GEMIN5: variants seen among roughly 807,000 people sequenced by gnomAD.
GEMIN5 encodes gem nuclear organelle associated protein 5.
In GEMIN5, 124 loss-of-function variants were observed where a neutral mutation model predicts 176.9. That is an observed-to-expected ratio of 0.70 (90% CI 0.61 to 0.81). GEMIN5 has a LOEUF of 0.81. GEMIN5 is among the 40% of genes least tolerant of loss of function. GEMIN5 has a pLI of 0.00. For synonymous variants in GEMIN5, 673 were observed against 665.2 expected (o/e 1.01, Z -0.18); for missense variants, 1,843 against 1,814.6 (o/e 1.02, Z -0.28).
At chr5:154,889,486 T>A (rs1319558505) in intron 26 of GEMIN5, 69 bp from the exon 27 acceptor site, 1 of 812,610 alleles carries the variant, frequency 1.2e-6, no homozygotes, top group African/African-American at 1.7e-5. Flanking sequence ...CCATTGTTAT[T>A]TTACTGTGGT....
chr5:154,905,683 G>A (rs1211290739), intron 16 of GEMIN5, among the ~76,000 whole-genome samples: 1 of 151,010 alleles, frequency 6.6e-6, no homozygotes, highest in Non-Finnish European at 1.5e-5. Context: ...TCAGGAATCT[G>A]TAAGTCTATT....
chr5:154,898,365 T>C (rs1036960702), intron 23 of GEMIN5, 75 bp downstream of exon 23: 2 of 1,329,406 alleles, frequency 1.5e-6, no homozygotes, highest in East Asian at 2.3e-5. Context: ...AACTGGGTTA[T>C]TAACTTGGAT....
At chr5:154,902,801 T>C in intron 19 of GEMIN5, 125 bp from the exon 20 acceptor site, 1 of 952,448 alleles carries the variant, frequency 1.0e-6, no homozygotes, top group Non-Finnish European at 1.6e-6. Context: ...CTCTGATGGG[T>C]GTCACCTACC....
chr5:154,923,160 T>C (rs895018972), intron 9 of GEMIN5, among the ~76,000 whole-genome samples: 4 of 152,032 alleles, frequency 2.6e-5, no homozygotes, highest in African/African-American at 9.7e-5. Flanking sequence ...GTGGATCACC[T>C]GAGGTTAGGA....
intron 23 of GEMIN5, among the ~76,000 whole-genome samples, chr5:154,897,890 GCTGA>G (rs1182229650): frequency 7.3e-5 from 11 of 150,410 alleles, no homozygotes; most frequent in South Asian, 2.1e-4. Flanking sequence ...CAAGGCCTGG[GCTGA>G]CTAAGGTGTT....
chr5:154,932,033 T>G, intron 4 of GEMIN5, 66 bp downstream of exon 4: 1 of 1,132,698 alleles, frequency 8.8e-7, no homozygotes. Flanking sequence ...TAAAAAATGA[T>G]ATAATTGTAC....
chr5:154,911,681 A>G, intron 15 of GEMIN5, 46 bp downstream of exon 15: 2 of 1,508,806 alleles, frequency 1.3e-6, no homozygotes, highest in Non-Finnish European at 1.8e-6. Flanking sequence ...CTCAATTATT[A>G]AGAAAGGGAG....
chr5:154,893,204 T>A (rs1015130818), intron 24 of GEMIN5, among the ~76,000 whole-genome samples: 5 of 135,534 alleles, frequency 3.7e-5, no homozygotes, highest in Non-Finnish European at 7.7e-5. Flanking sequence ...TATAACCCCA[T>A]CACTTTGGGA....
intron 9 of GEMIN5, among the ~76,000 whole-genome samples, chr5:154,922,863 A>T (rs1763953580): frequency 6.6e-6 from 1 of 151,324 alleles, no homozygotes; most frequent in Admixed American, 6.6e-5. Flanking sequence ...CATCCAGCTA[A>T]TTTTTTGTAT....
Position 154,927,544 on chromosome 5 carries a change from T to C in GEMIN5, c.921A>G (p.Glu307=), listed in dbSNP as rs1347854245. ...TQLVSSCFGG[E]LLQWDLTQSW... ...ATTGAGTGAGATCCCATTGCAACAGTTCACCTCTGTGAAGGAAAAACATAA... is the reference window on the plus strand; with the variant it reads ...ATTGAGTGAGATCCCATTGCAACAGCTCACCTCTGTGAAGGAAAAACATAA... The change falls in exon 7 of 28, where the codon GAA becomes GAG. Residue 307 remains glutamate (E), a synonymous_variant. Coordinates refer to ENST00000285873, the MANE Select transcript of GEMIN5 (RefSeq NM_015465.5). 6.3e-7 allele frequency: 1 copy of C among 1,592,756 alleles called. No individual in the cohort carries two copies. Among genetic ancestry groups the C allele is most frequent in the Non-Finnish European group, 8.6e-7 (1 of 1,163,402 alleles).
intron 13 of GEMIN5, among the ~76,000 whole-genome samples, chr5:154,916,688 A>T (rs112996026): frequency 4.7e-4 from 71 of 152,136 alleles, no homozygotes; most frequent in African/African-American, 1.6e-3. Flanking sequence ...GTAGAGACGG[A>T]GCCTCACTAT....
intron 5 of GEMIN5, among the ~76,000 whole-genome samples, chr5:154,929,271 A>G (rs1453708231): frequency 6.6e-6 from 1 of 152,216 alleles, no homozygotes; most frequent in Non-Finnish European, 1.5e-5. Context: ...TTCCCAAGTA[A>G]AACTGAGAAC....
rs1042955614 is a variant in GEMIN5, at chr5:154,898,779, G to GC, written c.3135-130dup. 4.7e-5 allele frequency: 35 copies of GC among 750,682 alleles called. 1 individual carries two copies. The highest frequency in any genetic ancestry group is 7.6e-5 in the Non-Finnish European group (34 of 449,388). 46.5% of individuals were successfully genotyped at this position (750,682 alleles called of 1,614,324 possible). A position where few individuals can be genotyped will look rare whatever the true frequency, so the allele number is the denominator to read the frequency against. ...TTCCTGTGGTCCCAGGTATGTCACTGCCCCGGTTGTTCCTGTGAAGGCTGA... is the reference window on the plus strand; with the variant it reads ...TTCCTGTGGTCCCAGGTATGTCACTGCCCCCGGTTGTTCCTGTGAAGGCTGA... On this transcript the variant is annotated intron_variant, in intron 22 of 27. Transcript: ENST00000285873.
Position 154,902,631 on chromosome 5 carries a change from A to T in GEMIN5, c.2774T>A (p.Leu925His), listed in dbSNP as rs2113468876. 2 of 1,614,048 alleles carry T rather than the reference A, an allele frequency of 1.2e-6. No individual in the cohort carries two copies. The highest frequency in any genetic ancestry group is 4.5e-5 in the East Asian group (2 of 44,884). The change falls in exon 20 of 28, where the codon CTT becomes CAT. Residue 925 changes from leucine to histidine, a missense_variant. By Grantham distance (99) the Leu-to-His change is moderately conservative (BLOSUM62 -3). Coordinates refer to ENST00000285873, the MANE Select transcript of GEMIN5 (RefSeq NM_015465.5). ...TTTGAGATCTCCTTTCCAAAGCATA[A>T]GCTGGTGAAATAACTCAGGGTGGCC... ...ENGHPELFHQ[L>H]MLWKGDLKGV...
chr5:154,924,098 T>G (rs951072087), intron 9 of GEMIN5, among the ~76,000 whole-genome samples: 1 of 152,254 alleles, frequency 6.6e-6, no homozygotes, highest in African/African-American at 2.4e-5. Context: ...GATTTTTAAT[T>G]TTCTTTAAAT....
Position 154,928,596 on chromosome 5 carries a change from T to C in GEMIN5, c.845A>G (p.Lys282Arg). 2 of 1,613,822 alleles carry C rather than the reference T, an allele frequency of 1.2e-6. No individual in the cohort carries two copies. Among genetic ancestry groups the C allele is most frequent in the South Asian group, 2.2e-5 (2 of 91,082 alleles). ...ATGGAGTGTCAACCAAAGGCGCTCT[T>C]TAACAGTTGGGTCTATACCCCCTCC... Reference protein sequence around the residue: ...RRGGGIDPTVKERLWLTLHWP... With the variant: ...RRGGGIDPTVRERLWLTLHWP... Residue 282 changes from lysine to arginine, a missense_variant, in exon 6 of 28, where the codon AAA becomes AGA. By Grantham distance (26) the Lys-to-Arg change is conservative. Transcript: ENST00000285873.
intron 18 of GEMIN5, 42 bp from the exon 19 acceptor site, chr5:154,903,217 C>G: frequency 8.0e-7 from 1 of 1,249,800 alleles, no homozygotes; most frequent in Non-Finnish European, 1.2e-6. Flanking sequence ...GAAGTCATTA[C>G]ATTGATTACA....
chr5:154,932,371 C>T (rs1055196306), intron 3 of GEMIN5, 121 bp from the exon 4 acceptor site: 49 of 683,616 alleles, frequency 7.2e-5, no homozygotes, highest in South Asian at 5.8e-4. Context: ...TTTGGGGTGG[C>T]GGAGGAGGGA....
intron 25 of GEMIN5, among the ~76,000 whole-genome samples, chr5:154,891,947 A>G (rs2113452643): frequency 1.3e-5 from 2 of 152,198 alleles, no homozygotes; most frequent in Middle Eastern, 3.4e-3. Context: ...TGTTCTCATT[A>G]CTACATCCTA....
Sources: gnomAD v4.1 joint callset for allele counts (sites outside exome capture counted in the v4.1 genomes callset) on GRCh38, gnomAD v4.1.1 for gene constraint, MANE v1.5 for transcripts, NCBI Gene and HGNC (gene_info 2026-07-23, HGNC 2026-07-21) for gene names.